ST6GALNAC1: variants seen among roughly 807,000 people sequenced by gnomAD.
ST6GALNAC1 encodes the protein alpha-N-acetylgalactosaminide alpha-2,6-sialyltransferase 1.
In ST6GALNAC1, 45 loss-of-function variants were observed where a neutral mutation model predicts 56.8. The ratio of observed to expected loss-of-function variants is 0.79; its 90% CI spans 0.62 to 1.02. The LOEUF is 1.02. Ranked by LOEUF, ST6GALNAC1 falls within the 50% of genes least tolerant of loss-of-function variation. ST6GALNAC1 has a pLI of 0.00. For missense variants in ST6GALNAC1, 743 were observed against 754.8 expected (o/e 0.98, Z 0.18); for synonymous variants, 295 against 297.8 (o/e 0.99, Z 0.10).
At chr17:76,621,754 C>A (rs1254966829), downstream of ST6GALNAC1, among the ~76,000 whole-genome samples, 1 of 152,068 alleles carries the variant, frequency 6.6e-6, no homozygotes, top group Non-Finnish European at 1.5e-5. Flanking sequence ...GCATTACAGG[C>A]GTGAGCCATC....
Position 76,627,352 on chromosome 17 carries a change from T to C in ST6GALNAC1, c.1000+63A>G. The C allele has an allele frequency of 6.3e-7, 1 of 1,591,290 alleles. No individual in the cohort carries two copies. On this transcript the variant is annotated intron_variant, in intron 3 of 8. Transcript: ENST00000156626. The surrounding 1 kb of genome is among the most constrained non-coding windows in gnomAD (Gnocchi z 4.4). ...GGAAGAGGCAGACCAGAAAGCCAGC[T>C]GCCCTCTGCCCTCTGCCCCGGCCTA...
downstream of ST6GALNAC1, among the ~76,000 whole-genome samples, chr17:76,620,452 G>A (rs967456493): frequency 1.3e-5 from 2 of 152,122 alleles, no homozygotes; most frequent in African/African-American, 4.8e-5. Context: ...CTGCAAAAAG[G>A]TATACTGGGA....
In ST6GALNAC1 at chr17:76,627,448, G is replaced by A. The variant is rs762691922; in HGVS notation, c.967C>T (p.Pro323Ser). Residue 323 changes from proline to serine, a missense_variant, in exon 3 of 9, where the codon CCA (proline) becomes TCA (serine). Transcript: ENST00000156626. The surrounding 1 kb of genome is among the most constrained non-coding windows in gnomAD (Gnocchi z 4.4). ...SEWDRLEHFAPPFGFMELNYS... is the reference protein window; with the variant it reads ...SEWDRLEHFASPFGFMELNYS... ...TTGAGCTCCATGAAGCCAAAGGGTG[G>A]TGCAAAGTGTTCCAGGCGGTCCCAC... The A allele has an allele frequency of 6.2e-7, 1 of 1,614,224 alleles. No individual in the cohort carries two copies. The highest frequency in any genetic ancestry group is 1.1e-5 in the South Asian group (1 of 91,084).
At chr17:76,624,050 G>A (rs1392169497), downstream of ST6GALNAC1, among the ~76,000 whole-genome samples, 2 of 152,130 alleles carry the variant, frequency 1.3e-5, no homozygotes, top group Admixed American at 6.5e-5. Context: ...AGGGCGCCGC[G>A]AGCAGGGCGC....
In ST6GALNAC1 at chr17:76,627,340, C is replaced by T; in HGVS notation, c.1000+75G>A. On this transcript the variant is annotated intron_variant, in intron 3 of 8. Transcript: ENST00000156626. This position sits in a 1 kb window ranked among gnomAD's most constrained non-coding sequence, Gnocchi z 4.4. ...GGCAAACCCCAGGGAAGAGGCAGAC[C>T]AGAAAGCCAGCTGCCCTCTGCCCTC... 19 of 1,583,442 alleles carry T rather than the reference C, an allele frequency of 1.2e-5. No individual in the cohort carries two copies. The highest frequency in any genetic ancestry group is 1.5e-5 in the Non-Finnish European group (18 of 1,163,982).
At chr17:76,618,639 G>A in the ST6GALNAC1 span, among the ~76,000 whole-genome samples, 1 of 152,094 alleles carries the variant, frequency 6.6e-6, no homozygotes, top group African/African-American at 2.4e-5. Context: ...AAATTAGCCG[G>A]GCGTGGTGGC....
intron 1 of ST6GALNAC1, among the ~76,000 whole-genome samples, chr17:76,633,103 G>A (rs966520751): frequency 4.6e-5 from 7 of 152,136 alleles, no homozygotes; most frequent in Non-Finnish European, 5.9e-5. Flanking sequence ...CAGCTATTCC[G>A]GAGGCTGAGG....
At position 76,625,433 on chromosome 17, in the gene ST6GALNAC1, T is replaced by C. The variant is rs767481502; in HGVS notation, c.1700A>G (p.His567Arg). 2.5e-6 allele frequency: 4 copies of C among 1,614,142 alleles called. No individual in the cohort carries two copies. In the South Asian group the frequency reaches 3.3e-5, roughly 13 times the overall value. The change falls in exon 9 of 9, where the codon CAT becomes CGT. Residue 567 changes from histidine to arginine, a missense_variant. Transcript: ENST00000156626. ...SWKRLIFYIN[H>R]DFKLEREVWK... ...GACTTCTCTCTCCAGCTTGAAGTCA[T>C]GGTTTATGTAAAAGATCAGCCGCTT...
At chr17:76,625,960 G>A in intron 7 of ST6GALNAC1, 42 bp from the exon 8 acceptor site, 1 of 1,608,028 alleles carries the variant, frequency 6.2e-7, no homozygotes, top group Non-Finnish European at 8.5e-7. Context: ...GAGGCTGCAA[G>A]GATAACAGGG....
chr17:76,626,336 T>G lies in ST6GALNAC1; in HGVS notation c.1368A>C (p.Ala456=). The change falls in exon 6 of 9, where the codon GCA becomes GCC. Residue 456 remains alanine, a synonymous_variant. Transcript: ENST00000156626. ...ACATCACCGTCTGATTCATAAGCAGTGCTTCCAGCCACTCATAGTCCCGGG... is the reference window on the plus strand; with the variant it reads ...ACATCACCGTCTGATTCATAAGCAGGGCTTCCAGCCACTCATAGTCCCGGG... ...EGTRDYEWLE[A]LLMNQTVMSK... 1 of 1,614,194 alleles carries G rather than the reference T, an allele frequency of 6.2e-7. No individual in the cohort carries two copies. The highest frequency in any genetic ancestry group is 8.5e-7 in the Non-Finnish European group (1 of 1,180,034).
rs2075777341 is a variant in ST6GALNAC1, at chr17:76,625,163, A to T, written c.*167T>A. On this transcript the variant is annotated 3_prime_UTR_variant, in exon 9 of 9. Transcript: ENST00000156626. Reference sequence around the variant, plus strand: ...AAGAACTTCAGAACCTCAATTAGCCATTTGCCATCTTGAGAGAGTCTTGTC... The same window carrying T: ...AAGAACTTCAGAACCTCAATTAGCCTTTTGCCATCTTGAGAGAGTCTTGTC... 2.9e-6 allele frequency: 2 copies of T among 693,322 alleles called. No individual in the cohort carries two copies. The highest frequency in any genetic ancestry group is 3.6e-5 in the African/African-American group (2 of 55,486). 42.9% of individuals were successfully genotyped at this position (693,322 alleles called of 1,614,324 possible).
chr17:76,621,531 A>G (rs1226867518), downstream of ST6GALNAC1, among the ~76,000 whole-genome samples: 4 of 151,886 alleles, frequency 2.6e-5, no homozygotes, highest in Non-Finnish European at 4.4e-5. Context: ...GCTAGAGTGC[A>G]GTGGCATGAT....
rs777775479 is a variant in ST6GALNAC1 at position 76,626,084 on chromosome 17, T to C, written c.1427A>G (p.Gln476Arg). ...KNLFWFRHRP[Q>R]EAFREALHMD... ...GTGCAGGGCTTCCCGAAAAGCTTCC[T>C]GGGGTCTGTGCCTGTGGTTAGGAAG... Residue 476 changes from glutamine (Q) to arginine (R), a missense_variant, in exon 7 of 9, where the codon CAG becomes CGG. Physicochemically the swap from Gln to Arg is conservative, Grantham distance 43 (BLOSUM62 1). Transcript: ENST00000156626. 1.2e-6 allele frequency: 2 copies of C among 1,614,130 alleles called. No homozygotes were observed. The highest frequency in any genetic ancestry group is 2.2e-5 in the South Asian group (2 of 91,074).
At chr17:76,621,343 CAGCT>C (rs569701672), downstream of ST6GALNAC1, among the ~76,000 whole-genome samples, 235 of 151,644 alleles carry the variant, frequency 1.5e-3, no homozygotes, top group African/African-American at 5.5e-3. Flanking sequence ...CCACCACGCC[CAGCT>C]AATTTTTGTA....
In ST6GALNAC1 at chr17:76,627,485, G is replaced by C. The variant is rs758703361; in HGVS notation, c.930C>G (p.Phe310Leu). ...NLTLFLDSRH[F>L]NQSEWDRLEH... ...CCAGGCGGTCCCACTCACTCTGGTT[G>C]AAGTGTCTGGAGTCCAGGAAGAGAG... The change falls in exon 3 of 9, where the codon TTC becomes TTG. Residue 310 changes from phenylalanine (F) to leucine (L), a missense_variant. Physicochemically the swap from Phe to Leu is conservative, Grantham distance 22. Coordinates refer to ENST00000156626, the MANE Select transcript of ST6GALNAC1 (RefSeq NM_018414.5). This position sits in a 1 kb window ranked among gnomAD's most constrained non-coding sequence, Gnocchi z 4.4. The C allele has an allele frequency of 6.2e-7, 1 of 1,614,222 alleles. No homozygotes were observed. Among genetic ancestry groups the C allele is most frequent in the Admixed American group, 1.7e-5 (1 of 60,032 alleles).
At position 76,626,361 on chromosome 17, in the gene ST6GALNAC1, G is replaced by A. The variant is rs767866914; in HGVS notation, c.1343C>T (p.Thr448Ile). The A allele has an allele frequency of 5.6e-6, 9 of 1,614,150 alleles. No homozygotes were observed. The highest frequency in any genetic ancestry group is 6.8e-6 in the Non-Finnish European group (8 of 1,180,020). Residue 448 changes from threonine to isoleucine, a missense_variant, in exon 6 of 9, where the codon ACC becomes ATC. Coordinates refer to ENST00000156626, the MANE Select transcript of ST6GALNAC1 (RefSeq NM_018414.5). ...TGCTTCCAGCCACTCATAGTCCCGGGTGCCTTCCAGGAAGTGCAAGTAGCG... is the reference window on the plus strand; with the variant it reads ...TGCTTCCAGCCACTCATAGTCCCGGATGCCTTCCAGGAAGTGCAAGTAGCG... ...DVRYLHFLEGTRDYEWLEALL... is the reference protein window; with the variant it reads ...DVRYLHFLEGIRDYEWLEALL...
downstream of ST6GALNAC1, among the ~76,000 whole-genome samples, chr17:76,621,805 T>A (rs2075743839): frequency 6.6e-6 from 1 of 152,144 alleles, no homozygotes. Flanking sequence ...ATCACTTCCC[T>A]TTTCTGTCTA....
intron 1 of ST6GALNAC1, among the ~76,000 whole-genome samples, chr17:76,635,923 C>T (rs2075968337): frequency 6.6e-6 from 1 of 152,160 alleles, no homozygotes; most frequent in African/African-American, 2.4e-5. Context: ...GCAGTGGTGA[C>T]AGCCTAGGGA....
intron 1 of ST6GALNAC1, among the ~76,000 whole-genome samples, chr17:76,630,880 C>T (rs914755246): frequency 2.0e-5 from 3 of 149,576 alleles, no homozygotes; most frequent in Non-Finnish European, 4.4e-5. Flanking sequence ...CGTGAGCCAC[C>T]GCGCCCAATT....
Sources: gnomAD v4.1 joint callset for allele counts (sites outside exome capture counted in the v4.1 genomes callset) on GRCh38, gnomAD v4.1.1 for gene constraint, Gnocchi (gnomAD v3.1) non-coding constraint, MANE v1.5 for transcripts, NCBI Gene and HGNC (gene_info 2026-07-23, HGNC 2026-07-21) for gene names.